The following KLF3 variants were observed in gnomAD, a reference collection of about 807,000 sequenced individuals.
KLF3 encodes Krueppel-like factor 3.
In KLF3, 6 loss-of-function variants were observed where a neutral mutation model predicts 32.7. That is an observed-to-expected ratio of 0.18 (90% CI 0.10 to 0.36). The LOEUF is 0.36. Among genes scored for constraint, KLF3 ranks in the 10% least tolerant of loss-of-function variants. The pLI is 1.00. For missense variants in KLF3, 338 were observed against 449.7 expected, an observed-to-expected ratio of 0.75 and a Z score of 2.25; for synonymous variants, 145 against 172.8, an observed-to-expected ratio of 0.84 and a Z score of 1.26.
At position 38,674,434 on chromosome 4, in the gene KLF3, C is replaced by CTTTTTTTTTTTTTT. The variant is rs11455486; in HGVS notation, c.-39-6141_-39-6140insTTTTTTTTTTTTTT. 6.8e-6 allele frequency among the ~76,000 whole-genome samples: 1 copy of CTTTTTTTTTTTTTT among 146,568 alleles called. No homozygotes were observed. ...TTACACACACACATGCACACACCGCCTTTTTTTTTTTTCTTTTTTTGCCTT... is the reference window on the plus strand; with the variant it reads ...TTACACACACACATGCACACACCGCCTTTTTTTTTTTTTTTTTTTTTTTTTTCTTTTTTTGCCTT... On this transcript the variant is annotated intron_variant, in intron 1 of 5. Coordinates refer to ENST00000261438, the MANE Select transcript of KLF3 (RefSeq NM_016531.6). The surrounding 1 kb of genome is among the most constrained non-coding windows in gnomAD (Gnocchi z 4.1).
Position 38,668,366 on chromosome 4 carries a change from A to T in KLF3, c.-40+3905A>T, listed in dbSNP as rs190530266. Among the ~76,000 whole-genome samples, 388 of 152,110 alleles carry T rather than the reference A, an allele frequency of 2.6e-3. 3 individuals are homozygous for T. Among genetic ancestry groups the T allele is most frequent in the African/African-American group, 9.1e-3 (379 of 41,496 alleles). ...TTAATCAAAAGGAATCATCTACAGC[A>T]TCTCTGTGGAATTAATTTAAAGAGT... On this transcript the variant is annotated intron_variant, in intron 1 of 5. Coordinates refer to ENST00000261438, the MANE Select transcript of KLF3 (RefSeq NM_016531.6).
chr4:38,694,083 G>A (rs1579133224), intron 4 of KLF3, among the ~76,000 whole-genome samples: 1 of 152,316 alleles, frequency 6.6e-6, no homozygotes, highest in East Asian at 1.9e-4. Context: ...AGTGACAGTG[G>A]AGGTTTGAGT....
chr4:38,694,703 G>A, intron 4 of KLF3, 43 bp from the exon 5 acceptor site: 8 of 1,493,704 alleles, frequency 5.4e-6, no homozygotes, highest in Non-Finnish European at 7.1e-6. Flanking sequence ...GAAAAAGGAA[G>A]AGCGTGCTCT....
intron 2 of KLF3, among the ~76,000 whole-genome samples, chr4:38,683,552 TC>T (rs1026456738): frequency 2.0e-5 from 3 of 149,702 alleles, no homozygotes; most frequent in Non-Finnish European, 4.4e-5. Flanking sequence ...CACCAGCAGC[TC>T]CCCGAGCTTC....
At chr4:38,677,878 A>AGTGTGTGTGTGTGTGT (rs56675939) in intron 1 of KLF3, among the ~76,000 whole-genome samples, 9 of 146,214 alleles carry the variant, frequency 6.2e-5, no homozygotes, top group Admixed American at 3.4e-4. Context: ...GGGCAAAAGG[A>AGTGTGTGTGTGTGTGT]GTGTGTGTGT....
rs768274115 is a variant in KLF3 at position 38,680,659 on chromosome 4, G to C, written c.34G>C (p.Glu12Gln). 6.2e-7 allele frequency: 1 copy of C among 1,613,816 alleles called. No individual in the cohort carries two copies. Among genetic ancestry groups the C allele is most frequent in the South Asian group, 1.1e-5 (1 of 91,072 alleles). ...GTTTGACCCAGTTCCTGTCAAGCAA[G>C]AGGCCATGGACCCTGTCTCAGTGGT... is the stretch of plus-strand genomic sequence containing the variant. ...LMFDPVPVKQEAMDPVSVSYP... is the reference protein window; with the variant it reads ...LMFDPVPVKQQAMDPVSVSYP... The change falls in exon 2 of 6, where the codon GAG (glutamate) becomes CAG (glutamine). Residue 12 changes from glutamate (E) to glutamine (Q), a missense_variant. By Grantham distance (29) the Glu-to-Gln change is conservative. Transcript: ENST00000261438.
Position 38,689,830 on chromosome 4 carries a change from T to TGGGCCG in KLF3, c.646_647insGGGCCG (p.Ser216delinsTrpAlaAla). The TGGGCCG allele has an allele frequency of 6.2e-7, 1 of 1,607,242 alleles. No homozygotes were observed. The highest frequency in any genetic ancestry group is 8.5e-7 in the Non-Finnish European group (1 of 1,174,466). On this transcript the variant is annotated protein_altering_variant, in exon 4 of 6. Coordinates refer to ENST00000261438, the MANE Select transcript of KLF3 (RefSeq NM_016531.6). Reference sequence around the variant, plus strand: ...GACAGATTATTATCCTGAAGAAATGTCACCCCCCTTAATGAACTCAGTGTC... The same window carrying TGGGCCG: ...GACAGATTATTATCCTGAAGAAATGTGGGCCGCACCCCCCTTAATGAACTCAGTGTC...
At position 38,697,566 on chromosome 4, in the gene KLF3, T is replaced by G. The variant is rs771115126; in HGVS notation, c.*303T>G. Reference sequence around the variant, plus strand: ...AATAAGAACAAGGGAACATGTAAACTAACATAACCAATTGTCAGTTCTCCA... The same window carrying G: ...AATAAGAACAAGGGAACATGTAAACGAACATAACCAATTGTCAGTTCTCCA... On this transcript the variant is annotated 3_prime_UTR_variant, in exon 6 of 6. Coordinates refer to ENST00000261438, the MANE Select transcript of KLF3 (RefSeq NM_016531.6). 1.1e-4 allele frequency: 29 copies of G among 271,596 alleles called. No homozygotes were observed. The highest frequency in any genetic ancestry group is 1.6e-4 in the Non-Finnish European group (23 of 144,528). 16.8% of individuals were successfully genotyped at this position (271,596 alleles called of 1,614,324 possible). A position where few individuals can be genotyped will look rare whatever the true frequency, so the allele number is the denominator to read the frequency against.
rs1044427538 is a variant in KLF3, at chr4:38,695,508, C to T, written c.856+602C>T. Reference sequence around the variant, plus strand: ...GATCATATAAAAGTCATTACATGGCCGAGAAAAATGTGAAATTGGTCTCAG... The same window carrying T: ...GATCATATAAAAGTCATTACATGGCTGAGAAAAATGTGAAATTGGTCTCAG... On this transcript the variant is annotated intron_variant, in intron 5 of 5. Coordinates refer to ENST00000261438, the MANE Select transcript of KLF3 (RefSeq NM_016531.6). Among the ~76,000 whole-genome samples the T allele has an allele frequency of 3.9e-5, 6 of 152,070 alleles. No individual in the cohort carries two copies. In the South Asian group the frequency reaches 1.2e-3, roughly 32 times the overall value.
chr4:38,675,054 A>G (rs1286750811), intron 1 of KLF3, among the ~76,000 whole-genome samples: 1 of 152,244 alleles, frequency 6.6e-6, no homozygotes, highest in East Asian at 1.9e-4. Flanking sequence ...ATAGGGCTCC[A>G]AAGCAGGACT....
chr4:38,691,613 A>C (rs1722880656), intron 4 of KLF3, among the ~76,000 whole-genome samples: 2 of 152,258 alleles, frequency 1.3e-5, no homozygotes, highest in South Asian at 4.1e-4. Flanking sequence ...AATGCTGCTC[A>C]AAAGAAAATA....
chr4:38,664,619 T>C (rs1187091714), intron 1 of KLF3, 158 bp downstream of exon 1: 1 of 147,508 alleles, frequency 6.8e-6, no homozygotes, highest in East Asian at 2.0e-4. Flanking sequence ...CTTGGGAAAG[T>C]GTGGCGGCTA....
chr4:38,677,654 A>G (rs984942895), intron 1 of KLF3, among the ~76,000 whole-genome samples: 1 of 152,200 alleles, frequency 6.6e-6, no homozygotes, highest in African/African-American at 2.4e-5. Flanking sequence ...AAGGCCTTAT[A>G]TGAGACCTCA....
At chr4:38,691,772 T>C (rs1330602658) in intron 4 of KLF3, among the ~76,000 whole-genome samples, 1 of 152,216 alleles carries the variant, frequency 6.6e-6, no homozygotes. Flanking sequence ...GGACATGTAC[T>C]CTTTAAGTAA....
rs1722208473 is a variant in KLF3, at chr4:38,671,880, A to G, written c.-40+7419A>G. On this transcript the variant is annotated intron_variant, in intron 1 of 5. Coordinates refer to ENST00000261438, the MANE Select transcript of KLF3 (RefSeq NM_016531.6). The surrounding 1 kb of genome is among the most constrained non-coding windows in gnomAD (Gnocchi z 4.4). The stretch of plus-strand genomic sequence containing the variant: ...CCTTTTCAAAAACCTGTGTTTGTGC[A>G]CACACCCCTTCCCCTTGCAGTTCCC... 6.6e-6 allele frequency among the ~76,000 whole-genome samples: 1 copy of G among 152,048 alleles called. No homozygotes were observed.
At position 38,664,313 on chromosome 4, in the gene KLF3, C is replaced by T. The variant is rs918700311; in HGVS notation, c.-188C>T. On this transcript the variant is annotated 5_prime_UTR_variant, in exon 1 of 6. Coordinates refer to ENST00000261438, the MANE Select transcript of KLF3 (RefSeq NM_016531.6). ...CCCGAGCCGGAGCGCAGCGAGAGCG[C>T]CCGCCGCACGCGCGCCCGTCCCCGT... The T allele has an allele frequency of 2.0e-5, 3 of 152,178 alleles. No homozygotes were observed. The East Asian group carries it at 5.8e-4, about 30-fold the overall frequency. The allele number at this position is 152,178 out of a possible 1,614,324, so 9.4% of individuals were successfully genotyped here.
At chr4:38,693,556 G>A (rs1189583000) in intron 4 of KLF3, among the ~76,000 whole-genome samples, 1 of 151,978 alleles carries the variant, frequency 6.6e-6, no homozygotes, top group Non-Finnish European at 1.5e-5. Flanking sequence ...GAGTTAGAGT[G>A]TTTACTCTCA....
chr4:38,695,675 C>T (rs555231793), intron 5 of KLF3, among the ~76,000 whole-genome samples: 3 of 152,240 alleles, frequency 2.0e-5, no homozygotes, highest in African/African-American at 7.2e-5. Context: ...AGTTCAAGTC[C>T]AGCCTGGGCA....
chr4:38,689,698 G>A (rs1450408163), intron 3 of KLF3, 31 bp from the exon 4 acceptor site: 19 of 1,513,640 alleles, frequency 1.3e-5, no homozygotes, highest in South Asian at 7.4e-5. Context: ...TAAACTGTAC[G>A]TGAAGTGACT....
Sources: allele counts gnomAD v4.1 joint callset (sites outside exome capture counted in the v4.1 genomes callset), GRCh38; gene constraint gnomAD v4.1.1; non-coding constraint Gnocchi (gnomAD v3.1); transcripts MANE v1.5; gene names NCBI Gene and HGNC (gene_info 2026-07-23, HGNC 2026-07-21).